The following RALGAPA2 variants were observed in gnomAD, a reference collection of about 807,000 sequenced individuals.
The protein encoded by RALGAPA2 is Ral GTPase activating protein catalytic subunit alpha 2.
A neutral mutation model predicts 230.4 loss-of-function variants in RALGAPA2; 139 were observed. The observed-to-expected ratio is 0.60, with a 90% confidence interval of 0.53 to 0.69. The LOEUF (loss-of-function observed/expected upper bound fraction) is 0.69, where lower values mean the gene tolerates loss of function less well. Among genes scored for constraint, RALGAPA2 ranks in the 30% least tolerant of loss-of-function variants. The pLI is 0.00. For missense variants in RALGAPA2, 2,163 were observed against 2,276.0 expected, an observed-to-expected ratio of 0.95 and a Z score of 1.01; for synonymous variants, 847 against 837.8, an observed-to-expected ratio of 1.01 and a Z score of -0.19.
chr20:20,687,300 C>A (rs896254111), intron 1 of RALGAPA2, among the ~76,000 whole-genome samples: 1 of 152,138 alleles, frequency 6.6e-6, no homozygotes. Context: ...TAGTAATGCA[C>A]CATTACTTAC....
intron 3 of RALGAPA2, 94 bp downstream of exon 3, chr20:20,676,142 G>T: frequency 1.2e-6 from 1 of 834,374 alleles, no homozygotes; most frequent in Non-Finnish European, 1.8e-6. Context: ...TCCACCAACA[G>T]CCATTTTTAT....
chr20:20,695,525 C>G (rs2069077606), intron 1 of RALGAPA2, among the ~76,000 whole-genome samples: 1 of 152,200 alleles, frequency 6.6e-6, no homozygotes, highest in South Asian at 2.1e-4. Context: ...GTGCTTAAAC[C>G]TGACGCTGAC....
At chr20:20,455,286 T>C (rs1310979355) in intron 37 of RALGAPA2, among the ~76,000 whole-genome samples, 1 of 152,200 alleles carries the variant, frequency 6.6e-6, no homozygotes. Flanking sequence ...AGGTGAGCGC[T>C]AGAGACAGAC....
intron 3 of RALGAPA2, among the ~76,000 whole-genome samples, chr20:20,670,924 T>TG (rs2068112863): frequency 7.4e-6 from 1 of 134,786 alleles, no homozygotes; most frequent in African/African-American, 2.9e-5. Flanking sequence ...CACTCCAGCC[T>TG]GGGCGACAGA....
chr20:20,620,383 T>C, intron 11 of RALGAPA2, 80 bp downstream of exon 11: 1 of 1,438,664 alleles, frequency 7.0e-7, no homozygotes. Context: ...TTTGTCCCAT[T>C]GACAAGACTC....
chr20:20,517,915 A>C (rs918661916), intron 31 of RALGAPA2, among the ~76,000 whole-genome samples: 1 of 152,206 alleles, frequency 6.6e-6, no homozygotes, highest in African/African-American at 2.4e-5. Context: ...TAATATGATA[A>C]AACAAGGTTG....
At position 20,393,046 on chromosome 20, in the gene RALGAPA2, T is replaced by C; in HGVS notation, c.*243A>G. 7.8e-7 allele frequency: 1 copy of C among 1,279,292 alleles called. No homozygotes were observed. The highest frequency in any genetic ancestry group is 1.0e-6 in the Non-Finnish European group (1 of 959,582). The allele number at this position is 1,279,292 out of a possible 1,614,324, so 79.2% of individuals were successfully genotyped here. On this transcript the variant is annotated 3_prime_UTR_variant, in exon 40 of 40. Transcript: ENST00000202677. ...CAGGACAAGATGATACAGCCTAGTT[T>C]GAGTCCCATCTGAGACACGGTAGTG...
At chr20:20,601,376 G>GT (rs1176211444) in intron 16 of RALGAPA2, among the ~76,000 whole-genome samples, 1 of 152,170 alleles carries the variant, frequency 6.6e-6, no homozygotes. Flanking sequence ...AACTACTGGT[G>GT]TATTTATTAA....
At chr20:20,515,932 G>C (rs2062857698) in intron 31 of RALGAPA2, among the ~76,000 whole-genome samples, 1 of 152,182 alleles carries the variant, frequency 6.6e-6, no homozygotes, top group Admixed American at 6.5e-5. Flanking sequence ...AGGTGGGAAA[G>C]CTTATGGCCT....
intron 22 of RALGAPA2, 68 bp downstream of exon 22, chr20:20,571,780 A>G: frequency 6.7e-7 from 1 of 1,498,556 alleles, no homozygotes; most frequent in South Asian, 1.2e-5. Flanking sequence ...GGGCAATTAC[A>G]TTTTTCAAAC....
chr20:20,638,289 T>C (rs2066924858), intron 7 of RALGAPA2, among the ~76,000 whole-genome samples: 1 of 152,152 alleles, frequency 6.6e-6, no homozygotes, highest in African/African-American at 2.4e-5. Flanking sequence ...CACAGAGCAC[T>C]CTAAAGCAGG....
intron 18 of RALGAPA2, among the ~76,000 whole-genome samples, chr20:20,585,685 A>G (rs2065113894): frequency 1.3e-5 from 2 of 152,222 alleles, no homozygotes; most frequent in South Asian, 4.1e-4. Context: ...AGGGGATTCA[A>G]GGCAGGAAGT....
chr20:20,424,278 G>A (rs914761713), intron 37 of RALGAPA2, among the ~76,000 whole-genome samples: 2 of 152,122 alleles, frequency 1.3e-5, no homozygotes, highest in African/African-American at 4.8e-5. Context: ...AAAATGCCCC[G>A]TGACACCGTC....
intron 2 of RALGAPA2, 150 bp from the exon 3 acceptor site, chr20:20,676,438 G>T: frequency 2.0e-6 from 1 of 511,886 alleles, no homozygotes; most frequent in Non-Finnish European, 3.4e-6. Flanking sequence ...GAACACATTA[G>T]GATTGCAAAC....
rs886683957 is a variant in RALGAPA2 at position 20,653,145 on chromosome 20, G to A, written c.328+385C>T. Reference sequence around the variant, plus strand: ...CGGGAGGCGGAGGTTGCAATGAGCCGAGATCACACCACTGCACTCCAGCCT... The same window carrying A: ...CGGGAGGCGGAGGTTGCAATGAGCCAAGATCACACCACTGCACTCCAGCCT... On this transcript the variant is annotated intron_variant, in intron 4 of 39. Transcript: ENST00000202677. Among the ~76,000 whole-genome samples the A allele has an allele frequency of 7.7e-4, 99 of 128,782 alleles. 1 individual carries two copies. The highest frequency in any genetic ancestry group is 2.5e-3 in the African/African-American group (86 of 34,268). The allele number at this position is 128,782 out of a possible 152,430, so 84.5% of individuals were successfully genotyped here.
At chr20:20,482,611 C>T (rs2061805998) in intron 36 of RALGAPA2, among the ~76,000 whole-genome samples, 1 of 152,154 alleles carries the variant, frequency 6.6e-6, no homozygotes, top group Non-Finnish European at 1.5e-5. Flanking sequence ...TGTATGAATG[C>T]TGTGCCTACA....
intron 26 of RALGAPA2, 137 bp downstream of exon 26, chr20:20,535,608 C>A: frequency 2.4e-6 from 3 of 1,268,752 alleles, no homozygotes; most frequent in South Asian, 2.2e-5. Context: ...ATCTTCCTGG[C>A]ATCATTCTTC....
At chr20:20,429,862 C>G (rs909006839) in intron 37 of RALGAPA2, among the ~76,000 whole-genome samples, 1 of 152,160 alleles carries the variant, frequency 6.6e-6, no homozygotes, top group African/African-American at 2.4e-5. Flanking sequence ...TCTGATAAAT[C>G]CTTATTTTTA....
intron 10 of RALGAPA2, among the ~76,000 whole-genome samples, chr20:20,626,873 A>G (rs1603113488): frequency 2.6e-5 from 4 of 152,294 alleles, no homozygotes; most frequent in Admixed American, 2.6e-4. Context: ...AGCCCCTGTG[A>G]CAGAGACGTA....
Sources: gnomAD v4.1 joint callset for allele counts (sites outside exome capture counted in the v4.1 genomes callset) on GRCh38, gnomAD v4.1.1 for gene constraint, MANE v1.5 for transcripts, NCBI Gene and HGNC (gene_info 2026-07-23, HGNC 2026-07-21) for gene names.